The following TAP2 variants were observed in gnomAD, a reference collection of about 807,000 sequenced individuals.
The protein encoded by TAP2 is antigen peptide transporter 2.
A neutral mutation model predicts 74.7 loss-of-function variants in TAP2; 49 were observed. The ratio of observed to expected loss-of-function variants is 0.66; its 90% confidence interval spans 0.52 to 0.83. The LOEUF (loss-of-function observed/expected upper bound fraction) is 0.83. Among genes scored for constraint, TAP2 ranks in the 40% least tolerant of loss-of-function variants. The probability of loss-of-function intolerance (pLI) is 0.00; values close to 1 mark genes in which losing one functional copy is unlikely to be tolerated. For synonymous variants in TAP2, 306 were observed against 368.4 expected (o/e 0.83, Z 1.94); for missense variants, 739 against 859.0 (o/e 0.86, Z 1.75).
Position 32,835,171 on chromosome 6 carries a change from A to G in TAP2, c.928T>C (p.Tyr310His). Residue 310 changes from tyrosine to histidine, a missense_variant, in exon 5 of 12, where the codon TAC becomes CAC. By Grantham distance (83) the Tyr-to-His change is moderately conservative. Transcript: ENST00000374897. The surrounding 1 kb of genome is among the most constrained non-coding windows in gnomAD (Gnocchi z 4.0). The part of the protein sequence containing the change: ...MPFTIAAEKV[Y>H]NTRHQEVLRE... ...ACGCTCACCTGATGGCGGGTGTTGT[A>G]CACCTTCTCCGCTGCTATTGTGAAG... 2.5e-6 allele frequency: 4 copies of G among 1,612,802 alleles called. No individual in the cohort carries two copies. The highest frequency in any genetic ancestry group is 3.4e-6 in the Non-Finnish European group (4 of 1,180,032).
Position 32,829,045 on chromosome 6 carries a change from G to A in TAP2, c.1933-11C>T, listed in dbSNP as rs1476896537. 3.2e-5 allele frequency: 50 copies of A among 1,542,822 alleles called. No homozygotes were observed. Among genetic ancestry groups the A allele is most frequent in the Non-Finnish European group, 4.3e-5 (49 of 1,143,510 alleles). On this transcript the variant is annotated splice_polypyrimidine_tract_variant and intron_variant, in intron 11 of 11. Coordinates refer to ENST00000374897, the MANE Select transcript of TAP2 (RefSeq NM_001290043.2). ...ATTCCAGTCCTGCAGCTGAAGGGGTGATCACAGTGCCTCAGAAAGACAGGA... is the reference window on the plus strand; with the variant it reads ...ATTCCAGTCCTGCAGCTGAAGGGGTAATCACAGTGCCTCAGAAAGACAGGA...
At chr6:32,829,157 A>G in intron 11 of TAP2, 123 bp from the exon 12 acceptor site, 3 of 1,498,006 alleles carry the variant, frequency 2.0e-6, no homozygotes, top group Non-Finnish European at 1.8e-6. Context: ...AGGAAAGGGC[A>G]GTAGATAAAG....
chr6:32,836,433 C>T (rs554880674), intron 3 of TAP2, among the ~76,000 whole-genome samples: 2 of 152,218 alleles, frequency 1.3e-5, no homozygotes, highest in East Asian at 1.9e-4. Flanking sequence ...ATTGAAGAGG[C>T]GTTTGGGAGA....
intron 3 of TAP2, among the ~76,000 whole-genome samples, chr6:32,836,535 T>C (rs764932884): frequency 6.6e-6 from 1 of 152,218 alleles, no homozygotes; most frequent in Non-Finnish European, 1.5e-5. Context: ...TGTATGAACA[T>C]CATAGAGTGT....
At position 32,832,673 on chromosome 6, in the gene TAP2, T is replaced by A; in HGVS notation, c.1097A>T (p.Tyr366Phe). The A allele has an allele frequency of 6.2e-7, 1 of 1,613,078 alleles. No homozygotes were observed. Among genetic ancestry groups the A allele is most frequent in the African/African-American group, 1.3e-5 (1 of 75,036 alleles). ...GGCGCGTTCCAGGTCTCTCCGCCAATACAGCTGCCGACATTGTTCAAGGGC... is the reference window on the plus strand; with the variant it reads ...GGCGCGTTCCAGGTCTCTCCGCCAAAACAGCTGCCGACATTGTTCAAGGGC... ...KEALEQCRQLYWRRDLERALY... is the reference protein window; with the variant it reads ...KEALEQCRQLFWRRDLERALY... Residue 366 changes from tyrosine (Y) to phenylalanine (F), a missense_variant, in exon 6 of 12, where the codon TAT becomes TTT. By Grantham distance (22) the Tyr-to-Phe change is conservative (BLOSUM62 3). Transcript: ENST00000374897. This position sits in a 1 kb window ranked among gnomAD's most constrained non-coding sequence, Gnocchi z 5.9.
rs1800573 is a variant in TAP2, at chr6:32,830,007, T to C, written c.1718A>G (p.Asp573Gly). 1 of 1,613,116 alleles carries C rather than the reference T, an allele frequency of 6.2e-7. No individual in the cohort carries two copies. The highest frequency in any genetic ancestry group is 1.1e-5 in the South Asian group (1 of 91,092). ...NIAYGLQSCEDDKVMAAAQAA... is the reference protein window; with the variant it reads ...NIAYGLQSCEGDKVMAAAQAA... ...CTGGGCAGCCGCCATCACCTTATCA[T>C]CTTCGCAGCTCTGCAGCCCATAAGC... is the stretch of plus-strand genomic sequence containing the variant. The change falls in exon 10 of 12, where the codon GAT (aspartate) becomes GGT (glycine). Residue 573 changes from aspartate (D) to glycine (G), a missense_variant. Physicochemically the swap from Asp to Gly is moderately conservative, Grantham distance 94. Transcript: ENST00000374897.
chr6:32,829,325 C>T, intron 11 of TAP2, 75 bp downstream of exon 11: 1 of 1,548,882 alleles, frequency 6.5e-7, no homozygotes. Flanking sequence ...TCCCTCTGCC[C>T]AATTCTGCAC....
intron 5 of TAP2, among the ~76,000 whole-genome samples, chr6:32,833,098 A>G (rs570650781): frequency 6.6e-6 from 1 of 152,304 alleles, no homozygotes; most frequent in East Asian, 1.9e-4. Context: ...CTGAATCAGG[A>G]AAGAAGGGTA....
chr6:32,825,882 T>C lies in TAP2; in HGVS notation c.*3024A>G. The C allele has an allele frequency of 4.6e-6, 3 of 656,260 alleles. No individual in the cohort carries two copies. Among genetic ancestry groups the C allele is most frequent in the Non-Finnish European group, 5.7e-6 (3 of 529,978 alleles). The allele number at this position is 656,260 out of a possible 1,614,324, so 40.7% of individuals were successfully genotyped here. A position where few individuals can be genotyped will look rare whatever the true frequency, so the allele number is the denominator to read the frequency against. On this transcript the variant is annotated 3_prime_UTR_variant, in exon 12 of 12. Coordinates refer to ENST00000374897, the MANE Select transcript of TAP2 (RefSeq NM_001290043.2). ...TTTCTCACTCTTAGAATTGAGATAG[T>C]AATACCTGCCACATAGAATTATCTT... is the stretch of plus-strand genomic sequence containing the variant.
At position 32,835,708 on chromosome 6, in the gene TAP2, A is replaced by G; in HGVS notation, c.674T>C (p.Ile225Thr). The G allele has an allele frequency of 6.2e-7, 1 of 1,613,074 alleles. No homozygotes were observed. Reference sequence around the variant, plus strand: ...CAGGGAGGAGAAAAGCTGCTCCCGGATCCGCAAGTTGATTCGAGACATGGT... The same window carrying G: ...CAGGGAGGAGAAAAGCTGCTCCCGGGTCCGCAAGTTGATTCGAGACATGGT... ...TYTMSRINLRIREQLFSSLLR... is the reference protein window; with the variant it reads ...TYTMSRINLRTREQLFSSLLR... The change falls in exon 4 of 12, where the codon ATC becomes ACC. Residue 225 changes from isoleucine (I) to threonine (T), a missense_variant. By Grantham distance (89) the Ile-to-Thr change is moderately conservative (BLOSUM62 -1). Coordinates refer to ENST00000374897, the MANE Select transcript of TAP2 (RefSeq NM_001290043.2). The surrounding 1 kb of genome is among the most constrained non-coding windows in gnomAD (Gnocchi z 4.0).
downstream of TAP2, chr6:32,822,356 T>C (rs759283780): frequency 1.4e-5 from 18 of 1,320,174 alleles, no homozygotes; most frequent in East Asian, 2.5e-5. Context: ...TTGATCTTAA[T>C]GGGTGTTTTT....
Position 32,827,435 on chromosome 6 carries a change from G to T in TAP2, c.*1471C>A. On this transcript the variant is annotated 3_prime_UTR_variant, in exon 12 of 12. Coordinates refer to ENST00000374897, the MANE Select transcript of TAP2 (RefSeq NM_001290043.2). ...TATGGCTTTCCGCCCAGGTGCTCAT[G>T]GTCTAGTGGAAGGTCAAAAAAGGTG... is the stretch of plus-strand genomic sequence containing the variant. 1.3e-6 allele frequency: 1 copy of T among 757,686 alleles called. No individual in the cohort carries two copies. Among genetic ancestry groups the T allele is most frequent in the Non-Finnish European group, 1.6e-6 (1 of 622,654 alleles). 46.9% of individuals were successfully genotyped at this position (757,686 alleles called of 1,614,324 possible).
In TAP2 at chr6:32,825,958, C is replaced by T; in HGVS notation, c.*2948G>A. 1.0e-6 allele frequency: 1 copy of T among 979,318 alleles called. No individual in the cohort carries two copies. The allele number at this position is 979,318 out of a possible 1,614,324, so 60.7% of individuals were successfully genotyped here. A position where few individuals can be genotyped will look rare whatever the true frequency, so the allele number is the denominator to read the frequency against. ...TCAGATACTTGGCACAGCAATAGCA[C>T]ATAGTAAGCACCAGTGAATGCTTAG... is the stretch of plus-strand genomic sequence containing the variant. On this transcript the variant is annotated 3_prime_UTR_variant, in exon 12 of 12. Transcript: ENST00000374897.
At chr6:32,824,361 T>C (rs1768499963), downstream of TAP2, among the ~76,000 whole-genome samples, 1 of 152,158 alleles carries the variant, frequency 6.6e-6, no homozygotes, top group Non-Finnish European at 1.5e-5. Flanking sequence ...CTGTCTTCTG[T>C]TAGTGTTTGC....
chr6:32,827,837 T>C lies in TAP2; in HGVS notation c.*1069A>G, dbSNP rs1768758588. ...GACACAGAATTTAGAAAAATGACTT[T>C]GTGAAGAATGGCCGGAAGAGGGAAG... On this transcript the variant is annotated 3_prime_UTR_variant, in exon 12 of 12. Transcript: ENST00000374897. The C allele has an allele frequency of 2.3e-6, 2 of 866,738 alleles. No individual in the cohort carries two copies. Among genetic ancestry groups the C allele is most frequent in the Non-Finnish European group, 2.7e-6 (2 of 752,644 alleles). 53.7% of individuals were successfully genotyped at this position (866,738 alleles called of 1,614,324 possible). A position where few individuals can be genotyped will look rare whatever the true frequency, so the allele number is the denominator to read the frequency against.
chr6:32,829,455 C>T lies in TAP2; in HGVS notation c.1877G>A (p.Arg626Gln), dbSNP rs1247287824. 5.6e-6 allele frequency: 9 copies of T among 1,613,134 alleles called. No homozygotes were observed. The highest frequency in any genetic ancestry group is 1.7e-5 in the Admixed American group (1 of 59,914). ...AIARALVRDP[R>Q]VLILDEATSA... ...AGTAGCCTCATCCAGGATGAGGACC[C>T]GCGGGTCTCGTACAAGGGCCCGGGC... The change falls in exon 11 of 12, where the codon CGG becomes CAG. Residue 626 changes from arginine to glutamine, a missense_variant. Transcript: ENST00000374897.
downstream of TAP2, among the ~76,000 whole-genome samples, chr6:32,823,126 G>T (rs1166258534): frequency 1.3e-5 from 2 of 152,026 alleles, no homozygotes; most frequent in East Asian, 3.9e-4. Context: ...CACCATGTTG[G>T]CCAGGCTGCC....
rs886403584 is a variant in TAP2, at chr6:32,835,996, A to G, written c.609-223T>C. ...GAGACATGGTGAGCTAGATGTGAGA[A>G]CAAAATCATAACATGTACAAATTTA... On this transcript the variant is annotated intron_variant, in intron 3 of 11. Coordinates refer to ENST00000374897, the MANE Select transcript of TAP2 (RefSeq NM_001290043.2). The surrounding 1 kb of genome is among the most constrained non-coding windows in gnomAD (Gnocchi z 4.0). 3.3e-5 allele frequency among the ~76,000 whole-genome samples: 5 copies of G among 152,220 alleles called. No individual in the cohort carries two copies. Among genetic ancestry groups the G allele is most frequent in the African/African-American group, 1.2e-4 (5 of 41,452 alleles).
intron 9 of TAP2, 58 bp downstream of exon 9, chr6:32,830,209 A>G (rs568101646): frequency 8.1e-6 from 13 of 1,612,176 alleles, no homozygotes; most frequent in Non-Finnish European, 1.1e-5. Flanking sequence ...TGGATCTCCC[A>G]TCCTCTCTCT....
Sources: allele counts gnomAD v4.1 joint callset (sites outside exome capture counted in the v4.1 genomes callset), GRCh38; gene constraint gnomAD v4.1.1; non-coding constraint Gnocchi (gnomAD v3.1); transcripts MANE v1.5; gene names NCBI Gene and HGNC (gene_info 2026-07-23, HGNC 2026-07-21).